FARP1: variants seen among roughly 807,000 people sequenced by gnomAD.
FARP1 encodes the protein FERM, ARHGEF and pleckstrin domain-containing protein 1.
Under a neutral mutation model 128.8 loss-of-function variants are expected in FARP1, and 52 were observed. The ratio of observed to expected loss-of-function variants is 0.40; its 90% confidence interval spans 0.32 to 0.51. FARP1 has a LOEUF of 0.51. FARP1 is among the 20% of genes least tolerant of loss of function. The pLI is 0.45. For synonymous variants in FARP1, 580 were observed against 551.8 expected, an observed-to-expected ratio of 1.05 and a Z score of -0.72; for missense variants, 1,333 against 1,367.9, an observed-to-expected ratio of 0.97 and a Z score of 0.40.
rs1413142780 is a variant in FARP1, at chr13:98,424,611, A to C, written c.1866A>C (p.Arg622Ser). 1 of 1,614,028 alleles carries C rather than the reference A, an allele frequency of 6.2e-7. No homozygotes were observed. Among genetic ancestry groups the C allele is most frequent in the Admixed American group, 1.7e-5 (1 of 60,032 alleles). Residue 622 changes from arginine to serine, a missense_variant, in exon 17 of 27, where the codon AGA (arginine) becomes AGC (serine). Arg to Ser is a moderately radical substitution (Grantham distance 110). Transcript: ENST00000319562. ...ATGCCCAAATCAGAGATTACCAAAG[A>C]ATCGGCGATGTCATGCTGAAGAACA... ...RSNAQIRDYQ[R>S]IGDVMLKNIQ...
intron 2 of FARP1, chr13:98,245,320 C>A: frequency 1.0e-6 from 1 of 985,210 alleles, no homozygotes; most frequent in Non-Finnish European, 1.2e-6. Context: ...GTTTGTCTTA[C>A]CAGCTTATTG....
At chr13:98,278,172 A>AGTGAGTGTGTGTGT (rs1555333447) in intron 2 of FARP1, among the ~76,000 whole-genome samples, 1 of 149,856 alleles carries the variant, frequency 6.7e-6, no homozygotes, top group Non-Finnish European at 1.5e-5. Flanking sequence ...TGAGTGAGTG[A>AGTGAGTGTGTGTGT]GTGTGTGTGT....
chr13:98,162,540 G>A (rs780886120), intron 1 of FARP1, among the ~76,000 whole-genome samples: 1 of 152,122 alleles, frequency 6.6e-6, no homozygotes, highest in Non-Finnish European at 1.5e-5. Flanking sequence ...TCTCAAACCT[G>A]GGCTGACCTC....
chr13:98,332,764 C>T (rs140500520), intron 2 of FARP1: 48 of 152,246 alleles, frequency 3.2e-4, no homozygotes, highest in African/African-American at 1.2e-3. Flanking sequence ...TTTTCATTCA[C>T]GTTAAGATCG....
chr13:98,377,257 A>G (rs1315173679), intron 5 of FARP1, among the ~76,000 whole-genome samples: 1 of 151,342 alleles, frequency 6.6e-6, no homozygotes, highest in East Asian at 1.9e-4. Flanking sequence ...AGGCGAGATC[A>G]CGCCACTGCA....
At chr13:98,418,973 T>G (rs1178678307) in intron 16 of FARP1, among the ~76,000 whole-genome samples, 1 of 152,182 alleles carries the variant, frequency 6.6e-6, no homozygotes, top group Non-Finnish European at 1.5e-5. Flanking sequence ...AAGAGTGTAA[T>G]TGACAGACTT....
At chr13:98,211,990 T>C (rs1880745977) in intron 1 of FARP1, among the ~76,000 whole-genome samples, 2 of 147,810 alleles carry the variant, frequency 1.4e-5, no homozygotes, top group Non-Finnish European at 3.0e-5. Context: ...CACCATGATG[T>C]GGCTTTGACA....
At chr13:98,244,635 A>G in intron 2 of FARP1, 5 of 1,614,188 alleles carry the variant, frequency 3.1e-6, no homozygotes, top group Non-Finnish European at 4.2e-6. Flanking sequence ...TACAGGCTCT[A>G]TTTCTTACAC....
chr13:98,309,052 CTTG>C (rs1886320156), intron 2 of FARP1, among the ~76,000 whole-genome samples: 1 of 147,452 alleles, frequency 6.8e-6, no homozygotes, highest in Admixed American at 6.9e-5. Context: ...TTCACATGAT[CTTG>C]TTGGCAATTT....
intron 13 of FARP1, chr13:98,405,211 T>C (rs1445489673): frequency 6.6e-6 from 1 of 152,172 alleles, no homozygotes; most frequent in East Asian, 1.9e-4. Context: ...GCCGAAGAGC[T>C]GATCAAGATG....
At chr13:98,336,941 G>A (rs1887769492) in intron 2 of FARP1, among the ~76,000 whole-genome samples, 1 of 152,166 alleles carries the variant, frequency 6.6e-6, no homozygotes, top group Non-Finnish European at 1.5e-5. Flanking sequence ...TGACTGTTTG[G>A]CCTCTTATAA....
At chr13:98,324,924 A>G (rs141762048) in intron 2 of FARP1, among the ~76,000 whole-genome samples, 381 of 152,248 alleles carry the variant, frequency 2.5e-3, no homozygotes, top group African/African-American at 8.9e-3. Context: ...ACTATTATTT[A>G]TGGTGGGCAT....
At chr13:98,148,143 C>G (rs1875711430) in intron 1 of FARP1, among the ~76,000 whole-genome samples, 1 of 152,172 alleles carries the variant, frequency 6.6e-6, no homozygotes, top group East Asian at 1.9e-4. Flanking sequence ...CTTAGGGAGG[C>G]CAAGGCGGGC....
rs1882953265 is a variant in FARP1, at chr13:98,244,510, T to C, written c.171+31097T>C. 4 of 1,614,160 alleles carry C rather than the reference T, an allele frequency of 2.5e-6. No homozygotes were observed. The African/African-American group carries it at 4.0e-5, about 16-fold the overall frequency. ...TCCCAGATGGTGTCCTCATCCTCCT[T>C]CCTCAAAGCCACCGGCTCCTCCTGG... On this transcript the variant is annotated intron_variant, in intron 2 of 26. Transcript: ENST00000319562.
chr13:98,404,221 G>A (rs1171599108), intron 13 of FARP1: 1 of 152,238 alleles, frequency 6.6e-6, no homozygotes, highest in Non-Finnish European at 1.5e-5. Context: ...CTGTGAAGCT[G>A]ATGCTTAGCT....
chr13:98,146,526 C>T (rs1875578961), intron 1 of FARP1, among the ~76,000 whole-genome samples: 1 of 152,192 alleles, frequency 6.6e-6, no homozygotes, highest in Non-Finnish European at 1.5e-5. Context: ...CAGAGCCTGG[C>T]CTTGCCTGAT....
chr13:98,240,388 G>C (rs1167272853), intron 2 of FARP1, among the ~76,000 whole-genome samples: 1 of 152,170 alleles, frequency 6.6e-6, no homozygotes, highest in Non-Finnish European at 1.5e-5. Flanking sequence ...GGCAGGAAGG[G>C]AGGATGCGGC....
At chr13:98,410,612 C>A in intron 14 of FARP1, 122 bp from the exon 15 acceptor site, 1 of 542,038 alleles carries the variant, frequency 1.8e-6, no homozygotes, top group Non-Finnish European at 3.4e-6. Context: ...AATTTTATTT[C>A]TTGTTGATGC....
chr13:98,248,000 C>G (rs1295228103), intron 2 of FARP1, among the ~76,000 whole-genome samples: 1 of 152,186 alleles, frequency 6.6e-6, no homozygotes, highest in Non-Finnish European at 1.5e-5. Context: ...AAACACATCT[C>G]TGCCAAGGGT....
Sources: gnomAD v4.1 joint callset for allele counts (sites outside exome capture counted in the v4.1 genomes callset) on GRCh38, gnomAD v4.1.1 for gene constraint, MANE v1.5 for transcripts, NCBI Gene and HGNC (gene_info 2026-07-23, HGNC 2026-07-21) for gene names.